The following PTH1R variants were observed in gnomAD, a reference collection of about 807,000 sequenced individuals.
The protein encoded by PTH1R is parathyroid hormone 1 receptor, also known as parathyroid hormone/parathyroid hormone-related peptide receptor.
A neutral mutation model predicts 70.7 loss-of-function variants in PTH1R; 32 were observed. The ratio of observed to expected loss-of-function variants is 0.45; its 90% CI spans 0.34 to 0.61. The LOEUF (loss-of-function observed/expected upper bound fraction) is 0.61. PTH1R is among the 20% of genes least tolerant of loss of function. PTH1R has a pLI of 0.01. For synonymous variants in PTH1R, 329 were observed against 324.8 expected (o/e 1.01, Z -0.14); for missense variants, 626 against 792.5 (o/e 0.79, Z 2.52).
Position 46,898,105 on chromosome 3 carries a change from C to T in PTH1R, c.456C>T (p.Gly152=), listed in dbSNP as rs775221880. The change falls in exon 7 of 16, where the codon GGC becomes GGT. Residue 152 remains glycine (G), a synonymous_variant. Transcript: ENST00000449590. ...GHAYRRCDRN[G]SWELVPGHNR... ...CCTACCGACGCTGTGACCGCAATGG[C>T]AGCTGGGAGCTGGTGCCTGGGCACA... 1 of 1,614,248 alleles carries T rather than the reference C, an allele frequency of 6.2e-7. No individual in the cohort carries two copies. Among genetic ancestry groups the T allele is most frequent in the Admixed American group, 1.7e-5 (1 of 60,032 alleles).
chr3:46,898,048 G>A lies in PTH1R; in HGVS notation c.425-26G>A, dbSNP rs140027663. 7.6e-4 allele frequency: 1,233 copies of A among 1,613,598 alleles called. 1 individual carries two copies. Among genetic ancestry groups the A allele is most frequent in the Non-Finnish European group, 9.9e-4 (1,170 of 1,179,554 alleles). On this transcript the variant is annotated intron_variant, in intron 6 of 15. Coordinates refer to ENST00000449590, the MANE Select transcript of PTH1R (RefSeq NM_000316.3). ...TTCAGTGCCTCGAGACCTCCCTGCC[G>A]GCCCTGACCTCCCATGGACCTGCAG...
At chr3:46,894,306 A>G (rs915537428) in intron 4 of PTH1R, among the ~76,000 whole-genome samples, 2 of 152,154 alleles carry the variant, frequency 1.3e-5, no homozygotes, top group African/African-American at 2.4e-5. Flanking sequence ...CCAGACCCCA[A>G]CTGACTGAAG....
Position 46,903,778 on chromosome 3 carries a change from A to G in PTH1R, c.*122A>G, listed in dbSNP as rs995293414. On this transcript the variant is annotated 3_prime_UTR_variant, in exon 16 of 16. Transcript: ENST00000449590. This position sits in a 1 kb window ranked among gnomAD's most constrained non-coding sequence, Gnocchi z 4.4. ...AGGAAAAACAGGGAAAAAAAGAAAAAAAAAAGAAAAAGGAAAAGGAAGCGG... is the reference window on the plus strand; with the variant it reads ...AGGAAAAACAGGGAAAAAAAGAAAAGAAAAAGAAAAAGGAAAAGGAAGCGG... The G allele has an allele frequency of 4.0e-6, 6 of 1,501,568 alleles. No homozygotes were observed. In the African/African-American group the frequency reaches 4.2e-5, roughly 11 times the overall value. The allele number at this position is 1,501,568 out of a possible 1,614,324, so 93.0% of individuals were successfully genotyped here. A position where few individuals can be genotyped will look rare whatever the true frequency, so the allele number is the denominator to read the frequency against.
At chr3:46,885,088 T>C (rs2030928737) in intron 3 of PTH1R, among the ~76,000 whole-genome samples, 1 of 151,938 alleles carries the variant, frequency 6.6e-6, no homozygotes, top group South Asian at 2.1e-4. Context: ...CCCCCGGAGT[T>C]TGGTGTGTGA....
Position 46,898,262 on chromosome 3 carries a change from C to G in PTH1R, c.543+70C>G. The G allele has an allele frequency of 2.5e-6, 4 of 1,581,532 alleles. No individual in the cohort carries two copies. The Admixed American group carries it at 6.7e-5, about 26-fold the overall frequency. On this transcript the variant is annotated intron_variant, in intron 7 of 15. Transcript: ENST00000449590. ...CCCACCCCACGGGTGACCCCTGACC[C>G]AGCCCTGACCCCTGACCTTGACTCC... is the stretch of plus-strand genomic sequence containing the variant.
intron 10 of PTH1R, among the ~76,000 whole-genome samples, chr3:46,900,724 G>T (rs959580117): frequency 6.6e-6 from 1 of 152,124 alleles, no homozygotes. Context: ...GAGTGGACAG[G>T]GCATGGATCA....
rs748297094 is a variant in PTH1R at position 46,891,504 on chromosome 3, C to T, written c.76-2403C>T. Among the ~76,000 whole-genome samples the T allele has an allele frequency of 1.1e-4, 16 of 152,252 alleles. 1 individual carries two copies. Among genetic ancestry groups the T allele is most frequent in the South Asian group, 8.3e-4 (4 of 4,812 alleles). On this transcript the variant is annotated intron_variant, in intron 3 of 15. Transcript: ENST00000449590. The surrounding 1 kb of genome is among the most constrained non-coding windows in gnomAD (Gnocchi z 4.3). The stretch of plus-strand genomic sequence containing the variant: ...GTCTCTAAGGATGTGTGGGAGCCTC[C>T]GTCAGTCACTCCAGAGCTCTCCATC...
Position 46,892,858 on chromosome 3 carries a change from A to G in PTH1R, c.76-1049A>G, listed in dbSNP as rs1050209265. ...CGTCTCAGGGGACATACCCCTGCCC[A>G]GGGGTCTGAGGAAACACGACCCTGA... On this transcript the variant is annotated intron_variant, in intron 3 of 15. Coordinates refer to ENST00000449590, the MANE Select transcript of PTH1R (RefSeq NM_000316.3). This position sits in a 1 kb window ranked among gnomAD's most constrained non-coding sequence, Gnocchi z 5.2. 8.3e-5 allele frequency: 79 copies of G among 947,470 alleles called. No homozygotes were observed. In the African/African-American group the frequency reaches 1.1e-3, roughly 13 times the overall value. 58.7% of individuals were successfully genotyped at this position (947,470 alleles called of 1,614,324 possible). A position where few individuals can be genotyped will look rare whatever the true frequency, so the allele number is the denominator to read the frequency against.
At chr3:46,900,117 G>A (rs372606897) in intron 10 of PTH1R, among the ~76,000 whole-genome samples, 1 of 152,142 alleles carries the variant, frequency 6.6e-6, no homozygotes, top group East Asian at 1.9e-4. Flanking sequence ...GGGGTGGGCC[G>A]GGTGGCTGGA....
intron 3 of PTH1R, among the ~76,000 whole-genome samples, chr3:46,889,225 C>T (rs1327641584): frequency 6.6e-6 from 1 of 152,194 alleles, no homozygotes; most frequent in Non-Finnish European, 1.5e-5. Context: ...TTCCCAACAC[C>T]AGAGCCCAAC....
chr3:46,902,665 C>G lies in PTH1R; in HGVS notation c.1351C>G (p.Gln451Glu), dbSNP rs2032196779. ...CTATGAGATGCTCTTCAACTCCTTC[C>G]AGGTGCGCAGTGCTGGCCCGGGCCT... ...MHYEMLFNSF[Q>E]GFFVAIIYCF... The change falls in exon 14 of 16, where the codon CAG becomes GAG. Residue 451 changes from glutamine (Q) to glutamate (E), a missense_variant and splice_region_variant. Gln to Glu is a conservative substitution (Grantham distance 29). Coordinates refer to ENST00000449590, the MANE Select transcript of PTH1R (RefSeq NM_000316.3). This position sits in a 1 kb window ranked among gnomAD's most constrained non-coding sequence, Gnocchi z 5.4. 1 of 1,613,966 alleles carries G rather than the reference C, an allele frequency of 6.2e-7. No homozygotes were observed. Among genetic ancestry groups the G allele is most frequent in the East Asian group, 2.2e-5 (1 of 44,890 alleles).
Position 46,892,466 on chromosome 3 carries a change from G to A in PTH1R, c.76-1441G>A, listed in dbSNP as rs2031477154. ...CGCGCCGGCCACTCGAGAATGCGCT[G>A]CCACTCGCGCGCGCACGCACAGGGA... is the stretch of plus-strand genomic sequence containing the variant. On this transcript the variant is annotated intron_variant, in intron 3 of 15. Coordinates refer to ENST00000449590, the MANE Select transcript of PTH1R (RefSeq NM_000316.3). This position sits in a 1 kb window ranked among gnomAD's most constrained non-coding sequence, Gnocchi z 5.2. Among the ~76,000 whole-genome samples, 2 of 152,202 alleles carry A rather than the reference G, an allele frequency of 1.3e-5. No homozygotes were observed. The highest frequency in any genetic ancestry group is 4.1e-4 in the South Asian group (2 of 4,826).
rs2030545397 is a variant in PTH1R, at chr3:46,881,342, C to T, written c.-49+224C>T. On this transcript the variant is annotated intron_variant, in intron 2 of 15. Coordinates refer to ENST00000449590, the MANE Select transcript of PTH1R (RefSeq NM_000316.3). ...TCCCCAGCCAAACACAGAAATCCCG[C>T]CCCGTTCAGCCCCAACCCCCGCGGA... Among the ~76,000 whole-genome samples, 4 of 152,160 alleles carry T rather than the reference C, an allele frequency of 2.6e-5. No homozygotes were observed. The South Asian group carries it at 8.3e-4, about 32-fold the overall frequency.
intron 2 of PTH1R, 83 bp downstream of exon 2, chr3:46,881,201 A>T (rs555871837): frequency 6.6e-6 from 1 of 152,382 alleles, no homozygotes; most frequent in East Asian, 1.9e-4. Context: ...CGATCCTTAA[A>T]GCCCTGCGCT....
At chr3:46,897,152 G>A (rs2031800217) in intron 5 of PTH1R, among the ~76,000 whole-genome samples, 1 of 152,222 alleles carries the variant, frequency 6.6e-6, no homozygotes. Flanking sequence ...CTTCTTCAGA[G>A]ACACCTGGAA....
rs1425191800 is a variant in PTH1R, at chr3:46,902,162, AG to A, written c.1211+304del. Among the ~76,000 whole-genome samples, 1 of 152,182 alleles carries A rather than the reference AG, an allele frequency of 6.6e-6. No homozygotes were observed. The highest frequency in any genetic ancestry group is 1.5e-5 in the Non-Finnish European group (1 of 68,018). On this transcript the variant is annotated intron_variant, in intron 13 of 15. Transcript: ENST00000449590. The surrounding 1 kb of genome is among the most constrained non-coding windows in gnomAD (Gnocchi z 5.4). ...GTTGCAGGGGGTCTGAGGAACAGGT[AG>A]GCGGTGAGTGGCCCCGGGAAGGCTG...
chr3:46,882,683 C>A lies in PTH1R; in HGVS notation c.-48-829C>A, dbSNP rs946240319. ...AGAGAGAAAAGGGGGAGGGAGGGAGCGAGGGAGTGACCGAAACGGAGCTTG... is the reference window on the plus strand; with the variant it reads ...AGAGAGAAAAGGGGGAGGGAGGGAGAGAGGGAGTGACCGAAACGGAGCTTG... On this transcript the variant is annotated intron_variant, in intron 2 of 15. Transcript: ENST00000449590. The surrounding 1 kb of genome is among the most constrained non-coding windows in gnomAD (Gnocchi z 4.3). Among the ~76,000 whole-genome samples the A allele has an allele frequency of 6.6e-6, 1 of 151,566 alleles. No homozygotes were observed. Among genetic ancestry groups the A allele is most frequent in the Non-Finnish European group, 1.5e-5 (1 of 67,884 alleles).
chr3:46,900,368 C>T (rs1018459975), intron 10 of PTH1R, among the ~76,000 whole-genome samples: 1 of 152,110 alleles, frequency 6.6e-6, no homozygotes, highest in African/African-American at 2.4e-5. Context: ...TTTTTCTTAC[C>T]GTAAAGCCAG....
In PTH1R at chr3:46,891,339, C is replaced by T. The variant is rs1261780873; in HGVS notation, c.76-2568C>T. Among the ~76,000 whole-genome samples, 3 of 152,204 alleles carry T rather than the reference C, an allele frequency of 2.0e-5. No individual in the cohort carries two copies. The highest frequency in any genetic ancestry group is 4.4e-5 in the Non-Finnish European group (3 of 68,040). On this transcript the variant is annotated intron_variant, in intron 3 of 15. Coordinates refer to ENST00000449590, the MANE Select transcript of PTH1R (RefSeq NM_000316.3). The surrounding 1 kb of genome is among the most constrained non-coding windows in gnomAD (Gnocchi z 4.3). ...TTGAGCCAGTGAGGGGTGTGTTGGT[C>T]AGCTTTCGGTGGTCAGGCTGCCCAA...
Sources: gnomAD v4.1 joint callset for allele counts (sites outside exome capture counted in the v4.1 genomes callset) on GRCh38, gnomAD v4.1.1 for gene constraint, Gnocchi (gnomAD v3.1) non-coding constraint, MANE v1.5 for transcripts, NCBI Gene and HGNC (gene_info 2026-07-23, HGNC 2026-07-21) for gene names.